Variants in SERINC5 observed in about 807,000 individuals in gnomAD.
SERINC5 encodes the protein chromosome 5 open reading frame 12.
Under a neutral mutation model 63.1 loss-of-function variants are expected in SERINC5, and 41 were observed. The ratio of observed to expected loss-of-function variants is 0.65; its 90% confidence interval spans 0.51 to 0.84. SERINC5 has a LOEUF of 0.84. Among genes scored for constraint, SERINC5 ranks in the 40% least tolerant of loss-of-function variants. SERINC5 has a pLI of 0.00. For missense variants in SERINC5, 523 were observed against 573.0 expected (o/e 0.91, Z 0.89); for synonymous variants, 222 against 215.2 (o/e 1.03, Z -0.28).
chr5:80,229,051 G>GGGGGGGGGC (rs1580195931), intron 1 of SERINC5, among the ~76,000 whole-genome samples: 1 of 13,260 alleles, frequency 7.5e-5, no homozygotes, highest in Admixed American at 8.4e-4. Flanking sequence ...TTTTTTTTTT[G>GGGGGGGGGC]GGGATGGAGT....
chr5:80,244,284 C>T (rs183440403), intron 1 of SERINC5, among the ~76,000 whole-genome samples: 333 of 151,132 alleles, frequency 2.2e-3, no homozygotes, highest in African/African-American at 7.4e-3. Context: ...GGCACGATCT[C>T]GGCTCACTGC....
intron 7 of SERINC5, among the ~76,000 whole-genome samples, chr5:80,166,036 AC>A (rs1337146971): frequency 6.6e-6 from 1 of 152,290 alleles, no homozygotes; most frequent in East Asian, 1.9e-4. Flanking sequence ...CAGGTGTGAA[AC>A]ATGTAACAAT....
At chr5:80,119,403 T>C (rs1223692165) in intron 11 of SERINC5, among the ~76,000 whole-genome samples, 1 of 152,174 alleles carries the variant, frequency 6.6e-6, no homozygotes, top group Non-Finnish European at 1.5e-5. Context: ...TCCACAGGGA[T>C]CTAAAGGAGC....
At chr5:80,131,868 C>T (rs1744961539) in intron 11 of SERINC5, among the ~76,000 whole-genome samples, 1 of 152,140 alleles carries the variant, frequency 6.6e-6, no homozygotes, top group Admixed American at 6.5e-5. Flanking sequence ...CGAACAGAAT[C>T]TAGTTCTGTA....
At chr5:80,204,575 A>G (rs1561424382) in intron 1 of SERINC5, among the ~76,000 whole-genome samples, 2 of 152,248 alleles carry the variant, frequency 1.3e-5, no homozygotes, top group Non-Finnish European at 2.9e-5. Context: ...ATCTTTAATG[A>G]CAACCATCAA....
At chr5:80,232,769 CGAAA>C (rs1751507342) in intron 1 of SERINC5, among the ~76,000 whole-genome samples, 1 of 150,798 alleles carries the variant, frequency 6.6e-6, no homozygotes, top group Non-Finnish European at 1.5e-5. Context: ...GGTGACAGAG[CGAAA>C]CTCCATCTCA....
At chr5:80,122,606 T>C (rs1744592743) in intron 11 of SERINC5, among the ~76,000 whole-genome samples, 2 of 152,320 alleles carry the variant, frequency 1.3e-5, no homozygotes, top group East Asian at 1.9e-4. Context: ...ATTCTGCAAA[T>C]GTAATTAAAG....
In SERINC5 at chr5:80,140,305, C is replaced by CA. The variant is rs55718546; in HGVS notation, c.*3357dup. On this transcript the variant is annotated 3_prime_UTR_variant, in exon 12 of 12. Coordinates refer to ENST00000507668, the MANE Select transcript of SERINC5 (RefSeq NM_001174072.3). ...GTGGCTGACAGAGTGAGCCCGTCTC[C>CA]AAAAAAAAAAAAAAAAAAAAAAAAA... 2,430 of 477,920 alleles carry CA rather than the reference C, an allele frequency of 5.1e-3. 91 individuals are homozygous for CA. The highest frequency in any genetic ancestry group is 0.039 in the African/African-American group (814 of 21,138). The allele number at this position is 477,920 out of a possible 1,614,324, so 29.6% of individuals were successfully genotyped here. A position where few individuals can be genotyped will look rare whatever the true frequency, so the allele number is the denominator to read the frequency against.
intron 1 of SERINC5, among the ~76,000 whole-genome samples, chr5:80,251,712 A>G (rs1207172479): frequency 6.6e-6 from 1 of 150,866 alleles, no homozygotes. Flanking sequence ...CCTGGGTGAC[A>G]GAATGAGACG....
At chr5:80,180,124 A>T (rs370533392) in intron 2 of SERINC5, among the ~76,000 whole-genome samples, 65 of 152,174 alleles carry the variant, frequency 4.3e-4, no homozygotes, top group African/African-American at 1.4e-3. Flanking sequence ...ACAATAGCTT[A>T]TTCTAGCCAA....
Position 80,162,236 on chromosome 5 carries a change from T to C in SERINC5, c.860-3274A>G, listed in dbSNP as rs1380391260. ...TTTCTATACAAATTTTAGGATGTTT[T>C]TCTGTGAAAAATGTCATTGGTATTT... On this transcript the variant is annotated intron_variant, in intron 7 of 11. Transcript: ENST00000507668. Among the ~76,000 whole-genome samples, 7 of 152,354 alleles carry C rather than the reference T, an allele frequency of 4.6e-5. No homozygotes were observed. The East Asian group carries it at 7.7e-4, about 17-fold the overall frequency.
At position 80,143,529 on chromosome 5, in the gene SERINC5, T is replaced by C. The variant is rs1745636210; in HGVS notation, c.*134A>G. ...AAAAGTAAAAAGCTAATCAGGAGAT[T>C]TTTTTTTTTCTCTCTCAAAGCTTTT... On this transcript the variant is annotated 3_prime_UTR_variant, in exon 12 of 12. Transcript: ENST00000507668. 3.0e-6 allele frequency: 4 copies of C among 1,354,670 alleles called. No homozygotes were observed. The highest frequency in any genetic ancestry group is 6.5e-5 in the Admixed American group (2 of 30,634). 83.9% of individuals were successfully genotyped at this position (1,354,670 alleles called of 1,614,324 possible).
chr5:80,171,829 T>A (rs559088617), intron 5 of SERINC5, among the ~76,000 whole-genome samples: 22 of 151,940 alleles, frequency 1.4e-4, no homozygotes, highest in African/African-American at 5.1e-4. Context: ...TGCAGTGAGC[T>A]ATGACTGCGC....
intron 11 of SERINC5, among the ~76,000 whole-genome samples, chr5:80,118,714 A>ATT (rs34814066): frequency 0.2 from 21,826 of 108,236 alleles, 2,736 homozygotes; most frequent in African/African-American, 0.22. Flanking sequence ...TGTCCAGCTA[A>ATT]TTTTTTTTTT....
intron 2 of SERINC5, among the ~76,000 whole-genome samples, chr5:80,197,354 AG>A (rs1749575023): frequency 1.8e-5 from 1 of 54,648 alleles, no homozygotes; most frequent in Non-Finnish European, 3.9e-5. Flanking sequence ...AGAGAGAGAG[AG>A]AGAGAGAGAA....
intron 9 of SERINC5, among the ~76,000 whole-genome samples, chr5:80,150,299 G>T (rs1210330506): frequency 1.3e-5 from 2 of 152,144 alleles, no homozygotes; most frequent in Non-Finnish European, 2.9e-5. Context: ...GCCTGACAAG[G>T]TTACCTGAGC....
chr5:80,164,940 T>C (rs1747187242), intron 7 of SERINC5, among the ~76,000 whole-genome samples: 1 of 120,188 alleles, frequency 8.3e-6, no homozygotes, highest in African/African-American at 3.4e-5. Context: ...TTTGTAGAGA[T>C]GCTATGTTGC....
chr5:80,151,626 G>A (rs75532092), intron 8 of SERINC5, among the ~76,000 whole-genome samples: 3,183 of 152,232 alleles, frequency 0.021, 117 homozygotes, highest in African/African-American at 0.072. Flanking sequence ...AAGAGCCTGA[G>A]CAACATAGCA....
intron 1 of SERINC5, among the ~76,000 whole-genome samples, chr5:80,248,253 T>C (rs538197736): frequency 8.1e-4 from 124 of 152,328 alleles, no homozygotes; most frequent in Non-Finnish European, 1.3e-3. Context: ...ACATCACTAC[T>C]CTTGCGCTTT....
Sources: gnomAD v4.1 joint callset for allele counts (sites outside exome capture counted in the v4.1 genomes callset) on GRCh38, gnomAD v4.1.1 for gene constraint, MANE v1.5 for transcripts, NCBI Gene and HGNC (gene_info 2026-07-23, HGNC 2026-07-21) for gene names.